Variants in SF3B4 observed in about 807,000 individuals in gnomAD.
SF3B4 encodes splicing factor 3b subunit 4.
Under a neutral mutation model 34.3 loss-of-function variants are expected in SF3B4, and 3 were observed. The observed-to-expected ratio is 0.09, with a 90% confidence interval of 0.04 to 0.23. SF3B4 has a LOEUF of 0.23. SF3B4 is among the 10% of genes least tolerant of loss of function. The pLI, the probability that SF3B4 is intolerant of heterozygous loss-of-function variation, is 1.00. For synonymous variants in SF3B4, 216 were observed against 207.8 expected (o/e 1.04, Z -0.34); for missense variants, 283 against 567.2 (o/e 0.50, Z 5.09).
In SF3B4 at chr1:149,925,872, G is replaced by A. The variant is rs781983320; in HGVS notation, c.877C>T (p.Pro293Ser). The A allele has an allele frequency of 1.9e-6, 3 of 1,612,646 alleles. No homozygotes were observed. In the East Asian group the frequency reaches 6.7e-5, roughly 36 times the overall value. Residue 293 changes from proline to serine, a missense_variant, in exon 4 of 6, where the codon CCT becomes TCT. Physicochemically the swap from Pro to Ser is moderately conservative, Grantham distance 74. Coordinates refer to ENST00000271628, the MANE Select transcript of SF3B4 (RefSeq NM_005850.5). ...ATCCCACCCGGTGGGAATGGGTGAG[G>A]ATGTGAGTGTCCATGACCAGGATGT... ...AGHPGHGHSH[P>S]HPFPPGGMPH...
chr1:149,927,564 A>AG (rs2092598650), intron 1 of SF3B4, 162 bp downstream of exon 1: 1 of 943,914 alleles, frequency 1.1e-6, no homozygotes, highest in Non-Finnish European at 1.6e-6. Flanking sequence ...CAGAGGCCTC[A>AG]GCCAGCACCC....
In SF3B4 at chr1:149,925,971, C is replaced by G; in HGVS notation, c.778G>C (p.Ala260Pro). The G allele has an allele frequency of 1.3e-6, 2 of 1,510,446 alleles. No individual in the cohort carries two copies. Among genetic ancestry groups the G allele is most frequent in the Non-Finnish European group, 8.9e-7 (1 of 1,124,178 alleles). 93.6% of individuals were successfully genotyped at this position (1,510,446 alleles called of 1,614,324 possible). Reference sequence around the variant, plus strand: ...GGAGGCATAGGTGGTGGGGGCATGGCTGGGGGTATCCCAGGTGGGAGGGCT... The same window carrying G: ...GGAGGCATAGGTGGTGGGGGCATGGGTGGGGGTATCCCAGGTGGGAGGGCT... ...PGALPPGIPPAMPPPPMPPGA... is the reference protein window; with the variant it reads ...PGALPPGIPPPMPPPPMPPGA... Residue 260 changes from alanine to proline, a missense_variant, in exon 4 of 6, where the codon GCC becomes CCC. Ala to Pro is a conservative substitution (Grantham distance 27). This residue lies in a region of SF3B4 where 208 missense variants were observed against 292.6 expected (regional missense o/e 0.71). Transcript: ENST00000271628.
In SF3B4 at chr1:149,923,818, G is replaced by T. The variant is rs369687792; in HGVS notation, c.1087+23C>A. Reference sequence around the variant, plus strand: ...TAAGAACATGATAAGTGCAGATGAGGGAGGTGGCTAGAGCCGACTTACCCA... The same window carrying T: ...TAAGAACATGATAAGTGCAGATGAGTGAGGTGGCTAGAGCCGACTTACCCA... On this transcript the variant is annotated intron_variant, in intron 5 of 5. Transcript: ENST00000271628. 4.1e-5 allele frequency: 64 copies of T among 1,569,534 alleles called. No individual in the cohort carries two copies. In the African/African-American group the frequency reaches 6.1e-4, roughly 15 times the overall value.
chr1:149,927,766 A>T lies in SF3B4; in HGVS notation c.-7T>A, dbSNP rs1414889507. The T allele has an allele frequency of 6.4e-7, 1 of 1,552,726 alleles. No homozygotes were observed. Among genetic ancestry groups the T allele is most frequent in the Non-Finnish European group, 8.7e-7 (1 of 1,147,630 alleles). On this transcript the variant is annotated 5_prime_UTR_variant, in exon 1 of 6. Transcript: ENST00000271628. ...AGATCGGCCCGGCAGCCATGGCGAA[A>T]GAGATCCCGCCGTCTCCCAGCAGCG...
In SF3B4 at chr1:149,926,315, T is replaced by G. The variant is rs781846771; in HGVS notation, c.706+61A>C. 35 of 1,460,034 alleles carry G rather than the reference T, an allele frequency of 2.4e-5. No homozygotes were observed. The highest frequency in any genetic ancestry group is 2.1e-4 in the Admixed American group (10 of 47,470). 90.4% of individuals were successfully genotyped at this position (1,460,034 alleles called of 1,614,324 possible). A position where few individuals can be genotyped will look rare whatever the true frequency, so the allele number is the denominator to read the frequency against. ...CTGTCCCCCTTTCAGACTTGTTTTC[T>G]TCTTCCTCCTGACCCTCTCCCCCAA... On this transcript the variant is annotated intron_variant, in intron 3 of 5. Coordinates refer to ENST00000271628, the MANE Select transcript of SF3B4 (RefSeq NM_005850.5). The surrounding 1 kb of genome is among the most constrained non-coding windows in gnomAD (Gnocchi z 6.2).
intron 1 of SF3B4, 137 bp downstream of exon 1, chr1:149,927,589 C>T (rs782128013): frequency 8.4e-7 from 1 of 1,192,428 alleles, no homozygotes; most frequent in Non-Finnish European, 1.2e-6. Flanking sequence ...ACCCCGCCCC[C>T]AACAGGCAGA....
Position 149,926,016 on chromosome 1 carries a change from G to T in SF3B4, c.733C>A (p.Pro245Thr). Reference protein sequence around the residue: ...PGMPPPGSFPPPVPPPGALPP... With the variant: ...PGMPPPGSFPTPVPPPGALPP... ...AGGGCTCCAGGAGGTGGCACTGGGG[G>T]TGGGAAGGAGCCAGGAGGAGGCATG... is the stretch of plus-strand genomic sequence containing the variant. Residue 245 changes from proline (P) to threonine (T), a missense_variant, in exon 4 of 6, where the codon CCC (proline) becomes ACC (threonine). This residue lies in a region of SF3B4 where 208 missense variants were observed against 292.6 expected (regional missense o/e 0.71). Coordinates refer to ENST00000271628, the MANE Select transcript of SF3B4 (RefSeq NM_005850.5). This position sits in a 1 kb window ranked among gnomAD's most constrained non-coding sequence, Gnocchi z 6.2. 2 of 1,499,408 alleles carry T rather than the reference G, an allele frequency of 1.3e-6. No homozygotes were observed. The highest frequency in any genetic ancestry group is 1.4e-5 in the South Asian group (1 of 74,042). 92.9% of individuals were successfully genotyped at this position (1,499,408 alleles called of 1,614,324 possible).
In SF3B4 at chr1:149,923,335, T is replaced by C. The variant is rs2092566866; in HGVS notation, c.*207A>G. The C allele has an allele frequency of 2.0e-6, 1 of 504,974 alleles. No homozygotes were observed. The highest frequency in any genetic ancestry group is 3.5e-6 in the Non-Finnish European group (1 of 287,904). 31.3% of individuals were successfully genotyped at this position (504,974 alleles called of 1,614,324 possible). On this transcript the variant is annotated 3_prime_UTR_variant, in exon 6 of 6. Transcript: ENST00000271628. ...CCACAAATAAACAAGGAGTTTAGTT[T>C]TATTTTCTCTGTGCATTTGCAAAAT...
Position 149,926,337 on chromosome 1 carries a change from C to A in SF3B4, c.706+39G>T. ...TTCTTCTTCCTCCTGACCCTCTCCC[C>A]CAACCTTAAGACAAACATATTTTAA... is the stretch of plus-strand genomic sequence containing the variant. On this transcript the variant is annotated intron_variant, in intron 3 of 5. Coordinates refer to ENST00000271628, the MANE Select transcript of SF3B4 (RefSeq NM_005850.5). The surrounding 1 kb of genome is among the most constrained non-coding windows in gnomAD (Gnocchi z 6.2). 1 of 1,549,288 alleles carries A rather than the reference C, an allele frequency of 6.5e-7. No individual in the cohort carries two copies. Among genetic ancestry groups the A allele is most frequent in the Non-Finnish European group, 8.8e-7 (1 of 1,142,292 alleles).
chr1:149,924,138 G>C, intron 4 of SF3B4, 124 bp from the exon 5 acceptor site: 1 of 880,068 alleles, frequency 1.1e-6, no homozygotes, highest in Non-Finnish European at 1.7e-6. Flanking sequence ...ATAGAAAAAA[G>C]GGTATAGAAA....
chr1:149,925,258 G>T (rs1559798061), intron 4 of SF3B4, among the ~76,000 whole-genome samples: 1 of 152,160 alleles, frequency 6.6e-6, no homozygotes, highest in African/African-American at 2.4e-5. Flanking sequence ...TTAAGCAGCA[G>T]CATCAAGGAT....
chr1:149,927,718 C>T lies in SF3B4; in HGVS notation c.34+8G>A, dbSNP rs1553766260. ...TGAGCCCATTCCAGACTTTCCCCCTCCAGTTACCCTGATTCCGCTCGGAGA... is the reference window on the plus strand; with the variant it reads ...TGAGCCCATTCCAGACTTTCCCCCTTCAGTTACCCTGATTCCGCTCGGAGA... On this transcript the variant is annotated splice_region_variant and intron_variant, in intron 1 of 5. Coordinates refer to ENST00000271628, the MANE Select transcript of SF3B4 (RefSeq NM_005850.5). The T allele has an allele frequency of 5.2e-6, 8 of 1,553,084 alleles. No homozygotes were observed. The highest frequency in any genetic ancestry group is 7.0e-6 in the Non-Finnish European group (8 of 1,147,748).
Position 149,926,971 on chromosome 1 carries a change from G to A in SF3B4, c.164-53C>T, listed in dbSNP as rs1185329973. ...CAACGTAAGTAAAGAGACTGAAAAT[G>A]GGGTAAAATTCATCTACCCTCTAAT... On this transcript the variant is annotated intron_variant, in intron 2 of 5. Transcript: ENST00000271628. This position sits in a 1 kb window ranked among gnomAD's most constrained non-coding sequence, Gnocchi z 6.2. The A allele has an allele frequency of 1.3e-6, 2 of 1,517,084 alleles. No individual in the cohort carries two copies. The highest frequency in any genetic ancestry group is 1.4e-5 in the African/African-American group (1 of 71,736). The allele number at this position is 1,517,084 out of a possible 1,614,324, so 94.0% of individuals were successfully genotyped here.
chr1:149,927,404 G>A lies in SF3B4; in HGVS notation c.35-110C>T, dbSNP rs1183953513. 34 of 1,336,972 alleles carry A rather than the reference G, an allele frequency of 2.5e-5. 1 individual carries two copies. In the African/African-American group the frequency reaches 3.2e-4, roughly 13 times the overall value. 82.8% of individuals were successfully genotyped at this position (1,336,972 alleles called of 1,614,324 possible). On this transcript the variant is annotated intron_variant, in intron 1 of 5. Transcript: ENST00000271628. The stretch of plus-strand genomic sequence containing the variant: ...CAGGGGAACTGGGGACCGCGGTAGG[G>A]GACAGGAGCAAAAAAAAAAGTTTAA...
Position 149,923,502 on chromosome 1 carries a change from G to T in SF3B4, c.*40C>A. The T allele has an allele frequency of 2.0e-6, 3 of 1,507,744 alleles. No individual in the cohort carries two copies. In the South Asian group the frequency reaches 3.7e-5, roughly 19 times the overall value. The allele number at this position is 1,507,744 out of a possible 1,614,324, so 93.4% of individuals were successfully genotyped here. On this transcript the variant is annotated 3_prime_UTR_variant, in exon 6 of 6. Coordinates refer to ENST00000271628, the MANE Select transcript of SF3B4 (RefSeq NM_005850.5). Reference sequence around the variant, plus strand: ...TCTGATTGGTCCAAGGAATAGAAAAGATATTGGGAAAATGTAACAGGAGGA... The same window carrying T: ...TCTGATTGGTCCAAGGAATAGAAAATATATTGGGAAAATGTAACAGGAGGA...
rs1553765657 is a variant in SF3B4 at position 149,923,875 on chromosome 1, C to G, written c.1053G>C (p.Met351Ile). 1 of 1,603,880 alleles carries G rather than the reference C, an allele frequency of 6.2e-7. No individual in the cohort carries two copies. Among genetic ancestry groups the G allele is most frequent in the Admixed American group, 1.7e-5 (1 of 57,238 alleles). Residue 351 changes from methionine to isoleucine, a missense_variant, in exon 5 of 6, where the codon ATG (methionine) becomes ATC (isoleucine). Around this residue, in one of 4 missense-constraint regions of SF3B4, gnomAD observed 208 missense variants for 292.6 expected, o/e 0.71. Coordinates refer to ENST00000271628, the MANE Select transcript of SF3B4 (RefSeq NM_005850.5). ...MPHPGPPPMG[M>I]PPRGPPFGSP... The stretch of plus-strand genomic sequence containing the variant: ...ATCCGAATGGAGGCCCTCGGGGGGG[C>G]ATGCCCATTGGAGGAGGTCCAGGAT...
chr1:149,924,685 A>G (rs2092578662), intron 4 of SF3B4, among the ~76,000 whole-genome samples: 1 of 152,206 alleles, frequency 6.6e-6, no homozygotes, highest in Admixed American at 6.5e-5. Flanking sequence ...CTAATTCTAA[A>G]GGATGAATAC....
In SF3B4 at chr1:149,923,947, T is replaced by C; in HGVS notation, c.981A>G (p.Pro327=). 1.9e-6 allele frequency: 3 copies of C among 1,589,728 alleles called. No individual in the cohort carries two copies. The highest frequency in any genetic ancestry group is 1.7e-6 in the Non-Finnish European group (2 of 1,172,562). The change falls in exon 5 of 6, where the codon CCA becomes CCG. Residue 327 remains proline (P), a synonymous_variant. Coordinates refer to ENST00000271628, the MANE Select transcript of SF3B4 (RefSeq NM_005850.5). ...HGLGHPHAGP[P]GSGGQPPPRP... is the part of the protein sequence containing the mutation. ...GGGGCGGTGGCTGGCCCCCAGAGCCTGGGGGTCCAGCGTGGGGATGTCCTA... is the reference window on the plus strand; with the variant it reads ...GGGGCGGTGGCTGGCCCCCAGAGCCCGGGGGTCCAGCGTGGGGATGTCCTA...
chr1:149,924,831 T>C (rs1256597793), intron 4 of SF3B4, among the ~76,000 whole-genome samples: 1 of 152,122 alleles, frequency 6.6e-6, no homozygotes, highest in Non-Finnish European at 1.5e-5. Context: ...AATGCAGTTA[T>C]AGAAATGAGG....
Sources: gnomAD v4.1 joint callset for allele counts (sites outside exome capture counted in the v4.1 genomes callset) on GRCh38, gnomAD v4.1.1 for gene constraint, gnomAD v4.1.1 regional missense constraint, Gnocchi (gnomAD v3.1) non-coding constraint, MANE v1.5 for transcripts, NCBI Gene and HGNC (gene_info 2026-07-23, HGNC 2026-07-21) for gene names.